The following PRDM10 variants were observed in gnomAD, a reference collection of about 807,000 sequenced individuals.
PRDM10 encodes PR/SET domain 10.
In PRDM10, 65 loss-of-function variants were observed where a neutral mutation model predicts 133.1. The observed-to-expected ratio is 0.49, with a 90% CI of 0.40 to 0.60. PRDM10 has a LOEUF of 0.60. Among genes scored for constraint, PRDM10 ranks in the 20% least tolerant of loss-of-function variants. The pLI, the probability that PRDM10 is intolerant of heterozygous loss-of-function variation, is 0.00. For synonymous variants in PRDM10, 582 were observed against 580.4 expected (o/e 1.00, Z -0.04); for missense variants, 1,137 against 1,507.1 (o/e 0.75, Z 4.07).
chr11:129,967,024 A>G (rs1378134689), intron 1 of PRDM10, among the ~76,000 whole-genome samples: 1 of 152,220 alleles, frequency 6.6e-6, no homozygotes, highest in African/African-American at 2.4e-5. Context: ...GAGTGATATG[A>G]TAAAAATCAA....
chr11:129,971,110 T>C (rs1952012283), intron 1 of PRDM10, among the ~76,000 whole-genome samples: 1 of 152,144 alleles, frequency 6.6e-6, no homozygotes, highest in African/African-American at 2.4e-5. Flanking sequence ...GGGTTCATGG[T>C]CTCGCTGGTT....
In PRDM10 at chr11:129,918,248, G is replaced by C. The variant is rs558694374; in HGVS notation, c.2214+291C>G. The stretch of plus-strand genomic sequence containing the variant: ...AAAATAAGGTGAGAGCAGAGATTGA[G>C]ATGGGTAAAGAAAAACAAAAGTAGT... On this transcript the variant is annotated intron_variant, in intron 14 of 20. Transcript: ENST00000360871. This position sits in a 1 kb window ranked among gnomAD's most constrained non-coding sequence, Gnocchi z 5.3. Among the ~76,000 whole-genome samples, 34 of 150,164 alleles carry C rather than the reference G, an allele frequency of 2.3e-4. No individual in the cohort carries two copies. Among genetic ancestry groups the C allele is most frequent in the Non-Finnish European group, 4.3e-4 (29 of 67,678 alleles).
chr11:129,969,496 A>T (rs1236680076), intron 1 of PRDM10, among the ~76,000 whole-genome samples: 1 of 152,188 alleles, frequency 6.6e-6, no homozygotes, highest in Non-Finnish European at 1.5e-5. Context: ...AATATTAGAT[A>T]TTTAACAAAT....
chr11:129,973,248 G>A (rs1202655143), intron 1 of PRDM10, among the ~76,000 whole-genome samples: 1 of 152,140 alleles, frequency 6.6e-6, no homozygotes, highest in African/African-American at 2.4e-5. Flanking sequence ...GTAAAAAGTG[G>A]TGAAAATTAA....
chr11:129,988,675 G>A (rs1938560168), intron 1 of PRDM10, among the ~76,000 whole-genome samples: 1 of 151,836 alleles, frequency 6.6e-6, no homozygotes. Context: ...TGTTGCCTGG[G>A]CTGGAGTGCA....
At chr11:129,912,376 G>A (rs1197916741) in intron 17 of PRDM10, 151 bp from the exon 18 acceptor site, 5 of 834,124 alleles carry the variant, frequency 6.0e-6, no homozygotes, top group East Asian at 6.4e-5. Context: ...AGGCCAAAGC[G>A]GGTGTATCGC....
At chr11:129,999,530 T>C (rs945611031) in intron 1 of PRDM10, among the ~76,000 whole-genome samples, 3 of 152,200 alleles carry the variant, frequency 2.0e-5, no homozygotes, top group African/African-American at 7.2e-5. Flanking sequence ...TTAGTGGCAA[T>C]AGGTCAAAGT....
chr11:129,974,953 A>G (rs1405481834), intron 1 of PRDM10, among the ~76,000 whole-genome samples: 2 of 152,216 alleles, frequency 1.3e-5, no homozygotes, highest in South Asian at 2.1e-4. Context: ...CTCCACTTAC[A>G]TGAGGTAACT....
chr11:129,921,384 G>A (rs911056284), intron 13 of PRDM10, among the ~76,000 whole-genome samples: 10 of 152,176 alleles, frequency 6.6e-5, no homozygotes, highest in African/African-American at 2.4e-4. Flanking sequence ...CAAGTGCAAA[G>A]GCCCAAGGAG....
intron 9 of PRDM10, 34 bp from the exon 10 acceptor site, chr11:129,932,265 G>A: frequency 7.5e-6 from 12 of 1,609,538 alleles, no homozygotes; most frequent in Non-Finnish European, 1.0e-5. Flanking sequence ...AGGTCGTCAT[G>A]GTTACATAAT....
chr11:129,914,083 C>T (rs1381406563), intron 17 of PRDM10, among the ~76,000 whole-genome samples: 1 of 152,100 alleles, frequency 6.6e-6, no homozygotes, highest in Non-Finnish European at 1.5e-5. Context: ...CTCACTGCAA[C>T]CTCCGCCTCC....
chr11:129,902,110 G>T lies in PRDM10; in HGVS notation c.*203C>A. The T allele has an allele frequency of 1.5e-6, 1 of 661,606 alleles. No homozygotes were observed. The highest frequency in any genetic ancestry group is 2.4e-6 in the Non-Finnish European group (1 of 413,108). 41.0% of individuals were successfully genotyped at this position (661,606 alleles called of 1,614,324 possible). On this transcript the variant is annotated 3_prime_UTR_variant, in exon 21 of 21. Transcript: ENST00000360871. ...TCCCCTGAAAGATCTCTGTTCTGTG[G>T]CAAAAACCGAGGGTTTGAAGAGTCA... is the stretch of plus-strand genomic sequence containing the variant.
intron 4 of PRDM10, among the ~76,000 whole-genome samples, chr11:129,951,947 A>AT (rs1426626884): frequency 6.7e-6 from 1 of 150,066 alleles, no homozygotes; most frequent in Non-Finnish European, 1.5e-5. Context: ...AAAAAAAAAA[A>AT]CCATCCTCTG....
chr11:129,971,782 CG>C (rs1952031914), intron 1 of PRDM10, among the ~76,000 whole-genome samples: 1 of 152,254 alleles, frequency 6.6e-6, no homozygotes, highest in Admixed American at 6.5e-5. Flanking sequence ...CAGTGGATCC[CG>C]CACCGGGGCT....
chr11:129,998,239 A>G (rs1024901061), intron 1 of PRDM10, among the ~76,000 whole-genome samples: 5 of 152,216 alleles, frequency 3.3e-5, no homozygotes, highest in African/African-American at 9.6e-5. Flanking sequence ...AGCACTGGCC[A>G]TATTTCAAGT....
intron 1 of PRDM10, among the ~76,000 whole-genome samples, chr11:129,987,632 G>A (rs981994713): frequency 2.0e-5 from 3 of 151,822 alleles, no homozygotes; most frequent in Admixed American, 6.6e-5. Flanking sequence ...AAATGGAAAC[G>A]ATCCAAATAC....
intron 1 of PRDM10, among the ~76,000 whole-genome samples, chr11:129,999,160 G>GTC (rs1939212744): frequency 6.6e-6 from 1 of 152,140 alleles, no homozygotes; most frequent in African/African-American, 2.4e-5. Context: ...AAAGAGGCCA[G>GTC]ATATTCCTAA....
chr11:129,906,231 T>C (rs545772829), intron 19 of PRDM10, among the ~76,000 whole-genome samples: 17 of 152,198 alleles, frequency 1.1e-4, no homozygotes, highest in Non-Finnish European at 2.1e-4. Flanking sequence ...CTAAAAGGAA[T>C]GAGAGTTTCT....
intron 1 of PRDM10, among the ~76,000 whole-genome samples, chr11:129,999,407 C>T (rs1939225267): frequency 6.6e-6 from 1 of 152,058 alleles, no homozygotes; most frequent in Non-Finnish European, 1.5e-5. Flanking sequence ...TATTAAAGTA[C>T]CTATAATAAG....
Sources: gnomAD v4.1 joint callset for allele counts (sites outside exome capture counted in the v4.1 genomes callset) on GRCh38, gnomAD v4.1.1 for gene constraint, Gnocchi (gnomAD v3.1) non-coding constraint, MANE v1.5 for transcripts, NCBI Gene and HGNC (gene_info 2026-07-23, HGNC 2026-07-21) for gene names.